The following MAGI3 variants were observed in gnomAD, a reference collection of about 807,000 sequenced individuals.
MAGI3 encodes the protein membrane associated guanylate kinase, WW and PDZ domain containing 3, also known as membrane-associated guanylate kinase, WW and PDZ domain-containing protein 3.
MAGI3 carries 43 observed loss-of-function variants against 121.8 expected under a neutral mutation model. The ratio of observed to expected loss-of-function variants is 0.35; its 90% CI spans 0.28 to 0.46. MAGI3 has a LOEUF of 0.46. MAGI3 is among the 20% of genes least tolerant of loss of function. The pLI is 1.00. For missense variants in MAGI3, 1,547 were observed against 1,797.3 expected (o/e 0.86, Z 2.52); for synonymous variants, 553 against 639.3 (o/e 0.86, Z 2.04).
intron 1 of MAGI3, among the ~76,000 whole-genome samples, chr1:113,536,628 C>CTT (rs766559948): frequency 2.7e-5 from 4 of 145,748 alleles, no homozygotes; most frequent in Admixed American, 6.9e-5. Flanking sequence ...TTACTTTTTT[C>CTT]TTTTTTTTTT....
At chr1:113,534,287 T>A (rs1658863520) in intron 1 of MAGI3, among the ~76,000 whole-genome samples, 1 of 152,244 alleles carries the variant, frequency 6.6e-6, no homozygotes, top group Non-Finnish European at 1.5e-5. Flanking sequence ...CAAGTCTGGC[T>A]ATGTCATGCA....
In MAGI3 at chr1:113,672,666, T is replaced by C. The variant is rs1441478807; in HGVS notation, c.2970T>C (p.His990=). The part of the protein sequence containing the change: ...IGKDVSTSYR[H]SWSDHKHLAQ... Reference sequence around the variant, plus strand: ...AAGATGTCTCCACTTCTTACAGACATTCTTGGTCAGACCACAAGCACCTTG... The same window carrying C: ...AAGATGTCTCCACTTCTTACAGACACTCTTGGTCAGACCACAAGCACCTTG... Residue 990 remains histidine (H), a synonymous_variant, in exon 18 of 21, where the codon CAT becomes CAC. Coordinates refer to ENST00000307546, the MANE Select transcript of MAGI3 (RefSeq NM_001142782.2). 1 of 1,614,066 alleles carries C rather than the reference T, an allele frequency of 6.2e-7. No homozygotes were observed. The highest frequency in any genetic ancestry group is 2.2e-5 in the East Asian group (1 of 44,870).
At chr1:113,407,030 T>TA (rs1290602442) in intron 1 of MAGI3, among the ~76,000 whole-genome samples, 6 of 152,066 alleles carry the variant, frequency 3.9e-5, no homozygotes, top group African/African-American at 1.4e-4. Context: ...TGGCACCAAC[T>TA]AAATGAGGGG....
chr1:113,646,754 T>A, intron 12 of MAGI3, 112 bp downstream of exon 12: 2 of 815,606 alleles, frequency 2.5e-6, no homozygotes, highest in Non-Finnish European at 3.6e-6. Flanking sequence ...ATTCCTTCAT[T>A]ACCATTTTAA....
At chr1:113,514,094 A>G (rs1332008397) in intron 1 of MAGI3, among the ~76,000 whole-genome samples, 1 of 152,180 alleles carries the variant, frequency 6.6e-6, no homozygotes, top group African/African-American at 2.4e-5. Context: ...CACACCAGTT[A>G]GAATGGCGAT....
intron 1 of MAGI3, among the ~76,000 whole-genome samples, chr1:113,492,815 T>C (rs1376343446): frequency 6.6e-6 from 1 of 151,924 alleles, no homozygotes; most frequent in East Asian, 1.9e-4. Flanking sequence ...AAAGAATAAA[T>C]ACCTAGAAAT....
chr1:113,556,583 G>A (rs1291032385), intron 2 of MAGI3, among the ~76,000 whole-genome samples: 2 of 135,700 alleles, frequency 1.5e-5, no homozygotes, highest in African/African-American at 2.7e-5. Flanking sequence ...TTGAGACAGA[G>A]TCTCACTCTG....
At chr1:113,443,267 C>G (rs1258291661) in intron 1 of MAGI3, among the ~76,000 whole-genome samples, 1 of 152,052 alleles carries the variant, frequency 6.6e-6, no homozygotes, top group Non-Finnish European at 1.5e-5. Context: ...GTTCTGAGTT[C>G]CAGTAGTTCT....
intron 6 of MAGI3, among the ~76,000 whole-genome samples, chr1:113,595,450 A>G (rs1190621068): frequency 1.3e-5 from 2 of 152,226 alleles, no homozygotes; most frequent in Non-Finnish European, 2.9e-5. Context: ...GAAACTATGT[A>G]TTAATTGGTT....
chr1:113,508,100 C>T (rs1657431445), intron 1 of MAGI3, among the ~76,000 whole-genome samples: 1 of 152,130 alleles, frequency 6.6e-6, no homozygotes, highest in Non-Finnish European at 1.5e-5. Context: ...AGAATGGCAG[C>T]TGTAATTATC....
intron 5 of MAGI3, among the ~76,000 whole-genome samples, chr1:113,592,673 A>G (rs1648756616): frequency 6.6e-6 from 1 of 152,056 alleles, no homozygotes; most frequent in African/African-American, 2.4e-5. Flanking sequence ...CTTTCTAGAG[A>G]TAATCTCACT....
chr1:113,659,063 G>A lies in MAGI3; in HGVS notation c.2630-17G>A. 1.3e-6 allele frequency: 2 copies of A among 1,564,646 alleles called. No homozygotes were observed. The highest frequency in any genetic ancestry group is 1.7e-6 in the Non-Finnish European group (2 of 1,154,596). ...AATCTTAAATAATTGAAAAACCTGG[G>A]GTTTTTTTTCCCATAGTTATTCCTC... On this transcript the variant is annotated splice_polypyrimidine_tract_variant and intron_variant, in intron 15 of 20. Transcript: ENST00000307546.
intron 6 of MAGI3, among the ~76,000 whole-genome samples, chr1:113,608,869 G>A (rs1445604048): frequency 6.6e-6 from 1 of 152,116 alleles, no homozygotes; most frequent in African/African-American, 2.4e-5. Flanking sequence ...GCTTTTTCCT[G>A]TTGCCCCAAC....
intron 2 of MAGI3, among the ~76,000 whole-genome samples, chr1:113,580,020 A>ACAAT (rs556241359): frequency 1.4e-4 from 21 of 152,200 alleles, no homozygotes; most frequent in African/African-American, 5.1e-4. Context: ...TGAAGCTGAA[A>ACAAT]GATTGTACTT....
rs903175864 is a variant in MAGI3 at position 113,423,020 on chromosome 1, A to G, written c.316+31671A>G. On this transcript the variant is annotated intron_variant, in intron 1 of 20. Transcript: ENST00000307546. ...GCAGTCTGAGAGTATGTCACTGCCC[A>G]CAGCTTGGTGAGCCGACCAAGAATG... 1.1e-4 allele frequency among the ~76,000 whole-genome samples: 16 copies of G among 152,248 alleles called. No homozygotes were observed. The South Asian group carries it at 2.7e-3, about 26-fold the overall frequency.
chr1:113,614,371 AC>A (rs1201716084), intron 6 of MAGI3, among the ~76,000 whole-genome samples: 1 of 152,120 alleles, frequency 6.6e-6, no homozygotes, highest in Non-Finnish European at 1.5e-5. Context: ...TCATATGAAC[AC>A]CTTTTTGTTT....
At chr1:113,665,067 C>T (rs1653965444) in intron 16 of MAGI3, among the ~76,000 whole-genome samples, 1 of 152,034 alleles carries the variant, frequency 6.6e-6, no homozygotes, top group Non-Finnish European at 1.5e-5. Context: ...CATTTTTTCC[C>T]CACATCACAG....
chr1:113,663,794 G>T (rs1653908095), intron 16 of MAGI3, among the ~76,000 whole-genome samples: 1 of 152,096 alleles, frequency 6.6e-6, no homozygotes, highest in African/African-American at 2.4e-5. Context: ...CACAGCAGCT[G>T]CACCCTTTTA....
At chr1:113,481,882 T>C (rs1447288186) in intron 1 of MAGI3, among the ~76,000 whole-genome samples, 2 of 152,074 alleles carry the variant, frequency 1.3e-5, no homozygotes, top group Admixed American at 6.5e-5. Context: ...TATATTCCTT[T>C]CTGGAGATAT....
Sources: gnomAD v4.1 joint callset for allele counts (sites outside exome capture counted in the v4.1 genomes callset) on GRCh38, gnomAD v4.1.1 for gene constraint, MANE v1.5 for transcripts, NCBI Gene and HGNC (gene_info 2026-07-23, HGNC 2026-07-21) for gene names.